The following CSMD1 variants were observed in gnomAD, a reference collection of about 807,000 sequenced individuals.
CSMD1 encodes the protein CUB and sushi domain-containing protein 1.
CSMD1 carries 213 observed loss-of-function variants against 417.5 expected under a neutral mutation model. That is an observed-to-expected ratio of 0.51 (90% CI 0.46 to 0.57). The LOEUF (loss-of-function observed/expected upper bound fraction) is 0.57, where lower values mean the gene tolerates loss of function less well. Among genes scored for constraint, CSMD1 ranks in the 20% least tolerant of loss-of-function variants. The pLI is 0.00. For synonymous variants in CSMD1, 2,862 were observed against 1,736.8 expected (o/e 1.65, Z -16.11); for missense variants, 6,923 against 4,529.7 (o/e 1.53, Z -15.17).
chr8:4,572,495 C>G (rs1459505254), intron 2 of CSMD1, among the ~76,000 whole-genome samples: 1 of 152,196 alleles, frequency 6.6e-6, no homozygotes, highest in African/African-American at 2.4e-5. Context: ...CACTGTTAGT[C>G]TGACGGGCTT....
chr8:4,725,276 C>A (rs1178873893), intron 1 of CSMD1, among the ~76,000 whole-genome samples: 8 of 152,078 alleles, frequency 5.3e-5, no homozygotes. Flanking sequence ...ACATGAATGA[C>A]CAAGATCTGA....
At chr8:3,309,638 A>C (rs149822853) in intron 23 of CSMD1, among the ~76,000 whole-genome samples, 3 of 151,928 alleles carry the variant, frequency 2.0e-5, no homozygotes, top group East Asian at 3.9e-4. Flanking sequence ...GGAGAGCTGG[A>C]AACTTGAGGG....
At chr8:4,314,222 G>T in intron 3 of CSMD1, among the ~76,000 whole-genome samples, 1 of 149,514 alleles carries the variant, frequency 6.7e-6, no homozygotes, top group South Asian at 2.1e-4. Flanking sequence ...CACGTTAATA[G>T]TTAAGTCACA....
chr8:3,115,051 C>T (rs1276715156), intron 42 of CSMD1, among the ~76,000 whole-genome samples: 2 of 152,048 alleles, frequency 1.3e-5, no homozygotes, highest in Admixed American at 6.6e-5. Flanking sequence ...ATAAACATTT[C>T]AGTGTTAAAT....
intron 65 of CSMD1, among the ~76,000 whole-genome samples, chr8:2,951,548 C>T (rs958845208): frequency 1.3e-5 from 2 of 152,130 alleles, no homozygotes; most frequent in East Asian, 1.9e-4. Context: ...TTTAACAGCC[C>T]TTCCAAGCTC....
intron 2 of CSMD1, among the ~76,000 whole-genome samples, chr8:4,500,705 G>C (rs1487826717): frequency 6.6e-6 from 1 of 152,112 alleles, no homozygotes; most frequent in East Asian, 1.9e-4. Context: ...TTTTCCTCTT[G>C]CGATAAAGAA....
intron 25 of CSMD1, among the ~76,000 whole-genome samples, chr8:3,288,256 A>T (rs568951681): frequency 6.8e-6 from 1 of 147,050 alleles, no homozygotes; most frequent in Non-Finnish European, 1.5e-5. Flanking sequence ...ATATTGGTCT[A>T]AAGTTCTCTT....
At chr8:4,278,298 A>T (rs1297964013) in intron 3 of CSMD1, among the ~76,000 whole-genome samples, 1 of 152,144 alleles carries the variant, frequency 6.6e-6, no homozygotes, top group Non-Finnish European at 1.5e-5. Flanking sequence ...AGGAGGTTAA[A>T]AACACAGCGG....
intron 5 of CSMD1, among the ~76,000 whole-genome samples, chr8:3,846,156 A>G (rs1386436937): frequency 6.6e-6 from 1 of 152,204 alleles, no homozygotes; most frequent in East Asian, 1.9e-4. Flanking sequence ...AGGATCAAGC[A>G]TTATGCATGG....
intron 7 of CSMD1, among the ~76,000 whole-genome samples, chr8:3,643,331 G>C (rs545302325): frequency 1.2e-4 from 19 of 152,148 alleles, no homozygotes; most frequent in African/African-American, 4.6e-4. Context: ...AAAAATGAGA[G>C]AAAAAGCAGA....
At chr8:3,431,079 C>T (rs1875071) in intron 12 of CSMD1, among the ~76,000 whole-genome samples, 17,321 of 152,128 alleles carry the variant, frequency 0.11, 1,137 homozygotes, top group African/African-American at 0.17. Context: ...TCCAGGCTTC[C>T]AGACTTTCTG....
rs562512059 is a variant in CSMD1 at position 4,063,361 on chromosome 8, T to A, written c.416-31262A>T. Among the ~76,000 whole-genome samples the A allele has an allele frequency of 1.0e-3, 152 of 152,222 alleles. 2 individuals carry two copies. Among genetic ancestry groups the A allele is most frequent in the African/African-American group, 3.6e-3 (150 of 41,558 alleles). On this transcript the variant is annotated intron_variant, in intron 3 of 69. Transcript: ENST00000635120. ...AAATTATGTTTAAAGAAAATGTGTATGAAAAATTTAAATATCAGACAAGTA... is the reference window on the plus strand; with the variant it reads ...AAATTATGTTTAAAGAAAATGTGTAAGAAAAATTTAAATATCAGACAAGTA...
chr8:3,572,769 G>T (rs1232044215), intron 10 of CSMD1, among the ~76,000 whole-genome samples: 1 of 152,010 alleles, frequency 6.6e-6, no homozygotes, highest in Non-Finnish European at 1.5e-5. Flanking sequence ...AGCCCCTATG[G>T]AAATGCATGT....
chr8:3,304,024 G>C (rs377308073), intron 25 of CSMD1, among the ~76,000 whole-genome samples: 80 of 152,172 alleles, frequency 5.3e-4, no homozygotes, highest in African/African-American at 1.8e-3. Flanking sequence ...AAGTTGCTCT[G>C]GGCCTCAATG....
chr8:3,762,074 T>A (rs1323311213), intron 5 of CSMD1, among the ~76,000 whole-genome samples: 1 of 152,130 alleles, frequency 6.6e-6, no homozygotes, highest in South Asian at 2.1e-4. Context: ...AAAAATAATT[T>A]CTAGTCTCCT....
chr8:3,769,077 A>G (rs1798440363), intron 5 of CSMD1, among the ~76,000 whole-genome samples: 2 of 152,378 alleles, frequency 1.3e-5, no homozygotes, highest in South Asian at 4.1e-4. Flanking sequence ...AGGAAAAGTC[A>G]GAGTTGAGCA....
At chr8:3,485,762 AAAAATAAAATAAAATAAAATAAAAT>A (rs66605905) in intron 11 of CSMD1, among the ~76,000 whole-genome samples, 1,600 of 110,830 alleles carry the variant, frequency 0.014, 33 homozygotes, top group African/African-American at 0.039. Flanking sequence ...TCAGCCTCAA[AAAAATAAAATAAAATAAAATAAAAT>A]AAAATAAAAT....
chr8:4,097,019 C>T (rs563129425), intron 3 of CSMD1, among the ~76,000 whole-genome samples: 2 of 152,112 alleles, frequency 1.3e-5, no homozygotes, highest in Non-Finnish European at 2.9e-5. Context: ...ATTATTTTTC[C>T]ACCCCCATCT....
At chr8:4,964,723 C>A (rs890680975) in intron 1 of CSMD1, among the ~76,000 whole-genome samples, 1 of 151,968 alleles carries the variant, frequency 6.6e-6, no homozygotes, top group African/African-American at 2.4e-5. Flanking sequence ...CTAAGCCAAA[C>A]TGAAAAAAAA....
Sources: gnomAD v4.1 joint callset for allele counts (sites outside exome capture counted in the v4.1 genomes callset) on GRCh38, gnomAD v4.1.1 for gene constraint, MANE v1.5 for transcripts, NCBI Gene and HGNC (gene_info 2026-07-23, HGNC 2026-07-21) for gene names.